The following DNAJC15 variants were observed in gnomAD, a reference collection of about 807,000 sequenced individuals.
DNAJC15 encodes the protein DnaJ heat shock protein family (Hsp40) member C15, also known as dnaJ homolog subfamily C member 15.
A neutral mutation model predicts 22.4 loss-of-function variants in DNAJC15; 27 were observed. The ratio of observed to expected loss-of-function variants is 1.20; its 90% CI spans 0.89 to 1.66. The LOEUF is 1.66. Ranked by LOEUF, DNAJC15 falls within the 40% of genes most tolerant of loss-of-function variation. The pLI is 0.00. For missense variants in DNAJC15, 208 were observed against 187.1 expected, an observed-to-expected ratio of 1.11 and a Z score of -0.65; for synonymous variants, 79 against 63.2, an observed-to-expected ratio of 1.25 and a Z score of -1.19.
intron 3 of DNAJC15, among the ~76,000 whole-genome samples, chr13:43,069,498 T>C (rs1044838826): frequency 6.6e-6 from 1 of 152,186 alleles, no homozygotes; most frequent in African/African-American, 2.4e-5. Context: ...TGAAATCCTG[T>C]AGAACTTATT....
intron 1 of DNAJC15, among the ~76,000 whole-genome samples, chr13:43,059,686 G>A (rs111404994): frequency 4.6e-5 from 7 of 152,346 alleles, no homozygotes; most frequent in South Asian, 2.1e-4. Flanking sequence ...TCACGTGTCC[G>A]TGTGAAGAGA....
intron 1 of DNAJC15, among the ~76,000 whole-genome samples, chr13:43,024,342 T>G (rs901094905): frequency 5.4e-5 from 4 of 73,630 alleles, no homozygotes; most frequent in South Asian, 3.6e-4. Flanking sequence ...TTTACGTTTT[T>G]TTTTTTTTTT....
At chr13:43,026,114 T>G (rs997712861) in intron 1 of DNAJC15, among the ~76,000 whole-genome samples, 1 of 152,194 alleles carries the variant, frequency 6.6e-6, no homozygotes, top group Admixed American at 6.5e-5. Context: ...CCATTGTTCT[T>G]TACAAACTTA....
chr13:43,076,036 T>G (rs2040632669), intron 3 of DNAJC15, among the ~76,000 whole-genome samples: 1 of 152,214 alleles, frequency 6.6e-6, no homozygotes, highest in Non-Finnish European at 1.5e-5. Context: ...ATACTCTCTA[T>G]GTATGTTTAG....
At position 43,108,752 on chromosome 13, in the gene DNAJC15, C is replaced by G. The variant is rs2040810960; in HGVS notation, c.*1504C>G. The stretch of plus-strand genomic sequence containing the variant: ...CAACAAAAATGGTTCCAGATATTGC[C>G]AAATGCCCTTTAGAGGACAGTAATC... On this transcript the variant is annotated 3_prime_UTR_variant, in exon 6 of 6. Transcript: ENST00000379221. 1 of 152,112 alleles carries G rather than the reference C, an allele frequency of 6.6e-6. No homozygotes were observed. Among genetic ancestry groups the G allele is most frequent in the Non-Finnish European group, 1.5e-5 (1 of 68,016 alleles). The allele number at this position is 152,112 out of a possible 1,614,324, so 9.4% of individuals were successfully genotyped here. A position where few individuals can be genotyped will look rare whatever the true frequency, so the allele number is the denominator to read the frequency against.
At chr13:43,104,192 T>TCCCATTGCCAATCCCTC (rs2040784613) in intron 5 of DNAJC15, among the ~76,000 whole-genome samples, 2 of 152,280 alleles carry the variant, frequency 1.3e-5, no homozygotes, top group African/African-American at 4.8e-5. Context: ...TTTTGCCCCT[T>TCCCATTGCCAATCCCTC]CCCATTGCCA....
intron 4 of DNAJC15, 113 bp downstream of exon 4, chr13:43,078,801 G>GTT: frequency 1.3e-6 from 1 of 779,484 alleles, no homozygotes; most frequent in Non-Finnish European, 1.9e-6. Context: ...AGGTGGCAGA[G>GTT]GAGAAAATAT....
chr13:43,074,909 CA>C (rs2040625834), intron 3 of DNAJC15, among the ~76,000 whole-genome samples: 2 of 151,998 alleles, frequency 1.3e-5, no homozygotes, highest in African/African-American at 4.8e-5. Flanking sequence ...AAATGTAGAT[CA>C]AAAATGTAGT....
chr13:43,037,603 T>C (rs1163910391), intron 1 of DNAJC15, among the ~76,000 whole-genome samples: 1 of 152,236 alleles, frequency 6.6e-6, no homozygotes, highest in Non-Finnish European at 1.5e-5. Context: ...CTTTTTCTTT[T>C]TTTAATAACC....
chr13:43,031,682 A>AGTAGAT, intron 1 of DNAJC15, among the ~76,000 whole-genome samples: 1 of 152,224 alleles, frequency 6.6e-6, no homozygotes, highest in Non-Finnish European at 1.5e-5. Flanking sequence ...TAATATTATA[A>AGTAGAT]CCCTCTACTT....
chr13:43,023,589 C>G lies in DNAJC15; in HGVS notation c.-38C>G. The G allele has an allele frequency of 6.4e-7, 1 of 1,574,482 alleles. No individual in the cohort carries two copies. On this transcript the variant is annotated 5_prime_UTR_variant, in exon 1 of 6. Transcript: ENST00000379221. ...TTTGTCCCTACGGCCGCCTCGTAGT[C>G]ACTGCCGCGGCGCCTTGAGTCTCCG...
In DNAJC15 at chr13:43,085,752, T is replaced by C. The variant is rs2153441605; in HGVS notation, c.312-16T>C. ...TTGATGCTATTTATTATAAGCACTG[T>C]AATTTCTTTTTACAGCCCATCTGCT... On this transcript the variant is annotated splice_polypyrimidine_tract_variant and intron_variant, in intron 4 of 5. Transcript: ENST00000379221. The C allele has an allele frequency of 6.2e-7, 1 of 1,607,398 alleles. No individual in the cohort carries two copies. The highest frequency in any genetic ancestry group is 2.2e-5 in the East Asian group (1 of 44,670).
intron 2 of DNAJC15, among the ~76,000 whole-genome samples, chr13:43,066,130 T>C (rs1279357253): frequency 1.3e-5 from 2 of 152,234 alleles, no homozygotes; most frequent in African/African-American, 4.8e-5. Flanking sequence ...TTCTTTCTCA[T>C]GAGCATAGTT....
chr13:43,069,985 C>G (rs1405009437), intron 3 of DNAJC15, among the ~76,000 whole-genome samples: 1 of 152,114 alleles, frequency 6.6e-6, no homozygotes, highest in African/African-American at 2.4e-5. Flanking sequence ...TATTGGAGGA[C>G]AGAATGTCAT....
intron 5 of DNAJC15, among the ~76,000 whole-genome samples, chr13:43,093,979 A>T (rs2040727676): frequency 6.6e-6 from 1 of 152,210 alleles, no homozygotes; most frequent in African/African-American, 2.4e-5. Flanking sequence ...TGTATGAAGA[A>T]AATACGACTT....
At chr13:43,063,089 G>A (rs1451039351) in intron 1 of DNAJC15, among the ~76,000 whole-genome samples, 3 of 151,764 alleles carry the variant, frequency 2.0e-5, no homozygotes, top group Non-Finnish European at 2.9e-5. Context: ...AGCTCACTGC[G>A]ACCTCCACCT....
intron 5 of DNAJC15, among the ~76,000 whole-genome samples, chr13:43,092,943 T>C (rs2040722472): frequency 6.6e-6 from 1 of 152,178 alleles, no homozygotes. Flanking sequence ...CTTTAGTGAC[T>C]GTCCAAAGAA....
chr13:43,029,612 T>C (rs554145572), intron 1 of DNAJC15, among the ~76,000 whole-genome samples: 1 of 152,192 alleles, frequency 6.6e-6, no homozygotes, highest in East Asian at 1.9e-4. Context: ...TGATTCATGG[T>C]AGTGGAACAT....
intron 2 of DNAJC15, among the ~76,000 whole-genome samples, chr13:43,068,442 C>T (rs2040593240): frequency 6.6e-6 from 1 of 152,050 alleles, no homozygotes; most frequent in Admixed American, 6.5e-5. Flanking sequence ...TGCTTTTTTA[C>T]TTTAGAGATA....
Sources: gnomAD v4.1 joint callset for allele counts (sites outside exome capture counted in the v4.1 genomes callset) on GRCh38, gnomAD v4.1.1 for gene constraint, MANE v1.5 for transcripts, NCBI Gene and HGNC (gene_info 2026-07-23, HGNC 2026-07-21) for gene names.